The following ERC2 variants were observed in gnomAD, a reference collection of about 807,000 sequenced individuals.
ERC2 encodes the protein ERC protein 2.
In ERC2, 42 loss-of-function variants were observed where a neutral mutation model predicts 114.8. That is an observed-to-expected ratio of 0.37 (90% CI 0.29 to 0.47). ERC2 has a LOEUF of 0.47. ERC2 is among the 20% of genes least tolerant of loss of function. The probability of loss-of-function intolerance (pLI) is 0.99; values close to 1 mark genes in which losing one functional copy is unlikely to be tolerated. For missense variants in ERC2, 939 were observed against 1,150.7 expected, an observed-to-expected ratio of 0.82 and a Z score of 2.66; for synonymous variants, 454 against 425.5, an observed-to-expected ratio of 1.07 and a Z score of -0.82.
intron 2 of ERC2, among the ~76,000 whole-genome samples, chr3:56,402,871 T>C (rs1044778000): frequency 1.3e-5 from 2 of 152,214 alleles, no homozygotes; most frequent in African/African-American, 2.4e-5. Flanking sequence ...AGGGTTCCTC[T>C]ACCTCAGCAC....
intron 7 of ERC2, among the ~76,000 whole-genome samples, chr3:56,035,093 T>C (rs1311149869): frequency 6.6e-6 from 1 of 151,788 alleles, no homozygotes; most frequent in Admixed American, 6.6e-5. Flanking sequence ...TAATAAAAAA[T>C]GAGAGAAGCC....
At chr3:55,996,016 G>C in intron 10 of ERC2, among the ~76,000 whole-genome samples, 1 of 152,146 alleles carries the variant, frequency 6.6e-6, no homozygotes, top group Non-Finnish European at 1.5e-5. Context: ...ATCAAAAGTA[G>C]GTAACAGACT....
rs2071107402 is a variant in ERC2 at position 55,992,080 on chromosome 3, G to T, written c.2232C>A (p.Asp744Glu). ...ACCTCTCCAGTTCTGCGATCTTCTT[G>T]TCCTTGTCATTCTTCTCATTCTCCA... Reference protein sequence around the residue: ...KEVENEKNDKDKKIAELESLT... With the variant: ...KEVENEKNDKEKKIAELESLT... Residue 744 changes from aspartate to glutamate, a missense_variant, in exon 11 of 18, where the codon GAC (aspartate) becomes GAA (glutamate). By Grantham distance (45) the Asp-to-Glu change is conservative. Around this residue, in one of 5 missense-constraint regions of ERC2, gnomAD observed 328 missense variants for 353.9 expected, o/e 0.93. Transcript: ENST00000288221. The T allele has an allele frequency of 6.2e-7, 1 of 1,613,608 alleles. No individual in the cohort carries two copies. The highest frequency in any genetic ancestry group is 2.2e-5 in the East Asian group (1 of 44,870).
intron 4 of ERC2, among the ~76,000 whole-genome samples, chr3:56,170,870 T>C (rs1335473057): frequency 6.6e-6 from 1 of 150,560 alleles, no homozygotes; most frequent in East Asian, 2.0e-4. Context: ...GTTCACCCCA[T>C]TGTCCTGCCT....
intron 10 of ERC2, among the ~76,000 whole-genome samples, chr3:56,005,476 T>A: frequency 6.6e-6 from 1 of 152,066 alleles, no homozygotes; most frequent in East Asian, 1.9e-4. Flanking sequence ...ACTAGTCAAG[T>A]CATTACACGA....
intron 17 of ERC2, among the ~76,000 whole-genome samples, chr3:55,546,027 G>A (rs2054725018): frequency 6.6e-6 from 1 of 152,224 alleles, no homozygotes; most frequent in Non-Finnish European, 1.5e-5. Context: ...CAGAAAGTGA[G>A]GACCCAGTGG....
chr3:56,314,176 T>C (rs1414064125), intron 2 of ERC2, among the ~76,000 whole-genome samples: 4 of 152,214 alleles, frequency 2.6e-5, no homozygotes, highest in African/African-American at 9.6e-5. Flanking sequence ...TGGGGTCAGA[T>C]AACCTTGAAT....
chr3:55,952,396 A>G lies in ERC2; in HGVS notation c.2268-1836T>C, dbSNP rs545739204. Among the ~76,000 whole-genome samples the G allele has an allele frequency of 2.0e-5, 3 of 151,862 alleles. No homozygotes were observed. In the South Asian group the frequency reaches 6.2e-4, roughly 32 times the overall value. ...TTTTACCTGATACAGCAACATACACACGTGAAGCCACCAAGTCAAACTTGC... is the reference window on the plus strand; with the variant it reads ...TTTTACCTGATACAGCAACATACACGCGTGAAGCCACCAAGTCAAACTTGC... On this transcript the variant is annotated intron_variant, in intron 12 of 17. Coordinates refer to ENST00000288221, the MANE Select transcript of ERC2 (RefSeq NM_015576.3).
chr3:56,295,281 T>C (rs1486293561), intron 3 of ERC2, among the ~76,000 whole-genome samples: 2 of 152,340 alleles, frequency 1.3e-5, no homozygotes, highest in East Asian at 1.9e-4. Context: ...AAGGTCCATA[T>C]CCACCACAGT....
At chr3:56,384,012 T>C (rs749237491) in intron 2 of ERC2, among the ~76,000 whole-genome samples, 107 of 152,198 alleles carry the variant, frequency 7.0e-4, no homozygotes, top group Non-Finnish European at 2.5e-4. Context: ...TTCATCCATG[T>C]CATAGTATGT....
chr3:55,733,486 ATT>A lies in ERC2; in HGVS notation c.2712+1283_2712+1284del, dbSNP rs1264445115. Among the ~76,000 whole-genome samples the A allele has an allele frequency of 3.3e-4, 22 of 66,724 alleles. 1 individual carries two copies. The highest frequency in any genetic ancestry group is 1.1e-3 in the African/African-American group (20 of 18,960). The allele number at this position is 66,724 out of a possible 152,430, so 43.8% of individuals were successfully genotyped here. A position where few individuals can be genotyped will look rare whatever the true frequency, so the allele number is the denominator to read the frequency against. On this transcript the variant is annotated intron_variant, in intron 15 of 17. Transcript: ENST00000288221. ...CTCTCACACACACACACACACACAC[ATT>A]CTCTGTCTCTCTCTCTCTCTCATTC... is the stretch of plus-strand genomic sequence containing the variant.
At chr3:55,685,874 A>T (rs1366930092) in intron 16 of ERC2, among the ~76,000 whole-genome samples, 2 of 152,250 alleles carry the variant, frequency 1.3e-5, no homozygotes, top group Admixed American at 6.5e-5. Flanking sequence ...TTCATTTCAC[A>T]TTTAAAACCC....
At chr3:55,851,645 T>C (rs1382938878) in intron 14 of ERC2, among the ~76,000 whole-genome samples, 2 of 152,122 alleles carry the variant, frequency 1.3e-5, no homozygotes, top group African/African-American at 2.4e-5. Context: ...TTTTAAAAAA[T>C]AGTTTTTATT....
At chr3:55,630,750 C>G (rs2148625760) in intron 17 of ERC2, among the ~76,000 whole-genome samples, 1 of 152,270 alleles carries the variant, frequency 6.6e-6, no homozygotes, top group East Asian at 1.9e-4. Context: ...GCTTCCGCCT[C>G]TAGGTTTTAC....
intron 17 of ERC2, among the ~76,000 whole-genome samples, chr3:55,597,746 C>T (rs374599209): frequency 3.4e-4 from 52 of 152,306 alleles, no homozygotes; most frequent in African/African-American, 1.2e-3. Context: ...ACAGAGTAGG[C>T]ATCAATGAAC....
intron 2 of ERC2, among the ~76,000 whole-genome samples, chr3:56,324,828 C>T (rs2057285310): frequency 1.3e-5 from 2 of 152,092 alleles, no homozygotes; most frequent in South Asian, 4.2e-4. Context: ...GTTCCAAGCA[C>T]TGCAGCCTCC....
chr3:55,647,216 C>T (rs760915823), intron 17 of ERC2: 3 of 148,048 alleles, frequency 2.0e-5, no homozygotes, highest in Admixed American at 1.3e-4. Flanking sequence ...ATCCCCGCCT[C>T]CCGATGAACT....
intron 14 of ERC2, among the ~76,000 whole-genome samples, chr3:55,746,044 A>G (rs1367826174): frequency 6.6e-6 from 1 of 152,172 alleles, no homozygotes; most frequent in East Asian, 1.9e-4. Context: ...TCTTAATTTG[A>G]ATATTTTGTG....
intron 16 of ERC2, among the ~76,000 whole-genome samples, chr3:55,691,574 ATATATATATAT>A (rs1461635044): frequency 1.9e-4 from 9 of 48,304 alleles, no homozygotes; most frequent in African/African-American, 8.4e-4. Flanking sequence ...AAAAAAAAAA[ATATATATATAT>A]ATATATATAT....
Sources: gnomAD v4.1 joint callset for allele counts (sites outside exome capture counted in the v4.1 genomes callset) on GRCh38, gnomAD v4.1.1 for gene constraint, gnomAD v4.1.1 regional missense constraint, MANE v1.5 for transcripts, NCBI Gene and HGNC (gene_info 2026-07-23, HGNC 2026-07-21) for gene names.